The following RHOJ variants were observed in gnomAD, a reference collection of about 807,000 sequenced individuals.
The protein encoded by RHOJ is rho-related GTP-binding protein RhoJ.
A neutral mutation model predicts 23.4 loss-of-function variants in RHOJ; 11 were observed. The observed-to-expected ratio is 0.47, with a 90% CI of 0.30 to 0.78. The LOEUF (loss-of-function observed/expected upper bound fraction) is 0.78. Among genes scored for constraint, RHOJ ranks in the 30% least tolerant of loss-of-function variants. The pLI, the probability that RHOJ is intolerant of heterozygous loss-of-function variation, is 0.08. For synonymous variants in RHOJ, 102 were observed against 102.7 expected, an observed-to-expected ratio of 0.99 and a Z score of 0.04; for missense variants, 254 against 273.4, an observed-to-expected ratio of 0.93 and a Z score of 0.50.
chr14:63,217,427 C>A (rs112237667), intron 1 of RHOJ, among the ~76,000 whole-genome samples: 2,070 of 152,146 alleles, frequency 0.014, 51 homozygotes, highest in East Asian at 0.11. Flanking sequence ...CTGAGAAAAA[C>A]AAGCAATGGG....
At chr14:63,210,805 G>A (rs560312472) in intron 1 of RHOJ, among the ~76,000 whole-genome samples, 3 of 152,206 alleles carry the variant, frequency 2.0e-5, no homozygotes, top group Non-Finnish European at 4.4e-5. Context: ...GGGTACATAG[G>A]TGTGTAAAAT....
intron 2 of RHOJ, among the ~76,000 whole-genome samples, chr14:63,270,672 C>A (rs980365594): frequency 5.3e-5 from 8 of 152,320 alleles, no homozygotes; most frequent in African/African-American, 1.9e-4. Flanking sequence ...TGTCCCCATT[C>A]ATCAGGAACT....
chr14:63,271,520 G>C (rs1034491753), intron 2 of RHOJ, among the ~76,000 whole-genome samples: 1 of 152,226 alleles, frequency 6.6e-6, no homozygotes, highest in Non-Finnish European at 1.5e-5. Context: ...CTCAGCTACT[G>C]TGCCCCACTC....
chr14:63,218,829 C>A (rs1222662008), intron 1 of RHOJ, among the ~76,000 whole-genome samples: 1 of 152,212 alleles, frequency 6.6e-6, no homozygotes, highest in Non-Finnish European at 1.5e-5. Flanking sequence ...ACTTCATCAA[C>A]TAGCCTTAAG....
chr14:63,222,600 T>C (rs1197545242), intron 1 of RHOJ, among the ~76,000 whole-genome samples: 2 of 152,242 alleles, frequency 1.3e-5, no homozygotes, highest in Admixed American at 1.3e-4. Flanking sequence ...TTTTCATGTG[T>C]CTGTTGGCTG....
chr14:63,213,980 G>A (rs533219514), intron 1 of RHOJ, among the ~76,000 whole-genome samples: 2 of 152,216 alleles, frequency 1.3e-5, no homozygotes, highest in South Asian at 2.1e-4. Context: ...CCCAAAGAAG[G>A]GACAAACAGA....
chr14:63,225,680 C>CA (rs1249443427), intron 1 of RHOJ, among the ~76,000 whole-genome samples: 3 of 151,742 alleles, frequency 2.0e-5, no homozygotes, highest in African/African-American at 2.4e-5. Context: ...AAAAGGATGC[C>CA]AAAAAAACAA....
intron 1 of RHOJ, among the ~76,000 whole-genome samples, chr14:63,235,856 A>C (rs1894779873): frequency 6.6e-6 from 1 of 152,228 alleles, no homozygotes; most frequent in Non-Finnish European, 1.5e-5. Flanking sequence ...AACTTATCAA[A>C]AGACTTGAGG....
intron 2 of RHOJ, among the ~76,000 whole-genome samples, chr14:63,273,521 C>T (rs929395123): frequency 6.6e-6 from 1 of 152,152 alleles, no homozygotes; most frequent in Non-Finnish European, 1.5e-5. Context: ...GGGTTGGGGA[C>T]GCCACAGCCA....
chr14:63,263,778 C>A (rs17824541), intron 1 of RHOJ, among the ~76,000 whole-genome samples: 10,421 of 152,202 alleles, frequency 0.068, 439 homozygotes, highest in East Asian at 0.19. Flanking sequence ...TTCAGGACTT[C>A]AAAGCTTAAC....
intron 1 of RHOJ, among the ~76,000 whole-genome samples, chr14:63,231,088 CAT>C (rs1894686466): frequency 6.6e-6 from 1 of 152,234 alleles, no homozygotes; most frequent in East Asian, 1.9e-4. Flanking sequence ...GAGGTTTCAC[CAT>C]GCTGGCCAGG....
Position 63,229,825 on chromosome 14 carries a change from C to T in RHOJ, c.178+24778C>T, listed in dbSNP as rs376575992. Reference sequence around the variant, plus strand: ...ATTGCATCTGCAAAATCTCCTTTGCCGGGTAACAGTAACATAAACATGGAA... The same window carrying T: ...ATTGCATCTGCAAAATCTCCTTTGCTGGGTAACAGTAACATAAACATGGAA... On this transcript the variant is annotated intron_variant, in intron 1 of 4. Transcript: ENST00000316754. 2.7e-4 allele frequency among the ~76,000 whole-genome samples: 41 copies of T among 152,248 alleles called. 1 individual carries two copies. In the East Asian group the frequency reaches 6.0e-3, roughly 22 times the overall value.
intron 2 of RHOJ, among the ~76,000 whole-genome samples, chr14:63,278,373 A>G (rs1881798772): frequency 6.6e-6 from 1 of 152,258 alleles, no homozygotes; most frequent in South Asian, 2.1e-4. Context: ...ACTTCCTTTC[A>G]GTCTCATGTG....
rs752395825 is a variant in RHOJ at position 63,291,055 on chromosome 14, A to G, written c.*31A>G. On this transcript the variant is annotated 3_prime_UTR_variant, in exon 5 of 5. Transcript: ENST00000316754. ...TCTGGGACCTGCCTCCACCCCATCC[A>G]GGGATGAGAATGGCAGCCAATCTCT... 6.2e-7 allele frequency: 1 copy of G among 1,612,810 alleles called. No homozygotes were observed. The highest frequency in any genetic ancestry group is 2.2e-5 in the East Asian group (1 of 44,878).
intron 2 of RHOJ, among the ~76,000 whole-genome samples, chr14:63,277,179 T>A (rs558137213): frequency 6.6e-6 from 1 of 152,220 alleles, no homozygotes; most frequent in African/African-American, 2.4e-5. Flanking sequence ...CTCTGTAACA[T>A]TGGCCCATCA....
At chr14:63,243,438 C>T (rs1436101655) in intron 1 of RHOJ, among the ~76,000 whole-genome samples, 1 of 152,196 alleles carries the variant, frequency 6.6e-6, no homozygotes, top group African/African-American at 2.4e-5. Context: ...CTCCTGGGCT[C>T]AAGCGATTCT....
chr14:63,213,340 G>A (rs929602822), intron 1 of RHOJ, among the ~76,000 whole-genome samples: 4 of 152,112 alleles, frequency 2.6e-5, no homozygotes, highest in Non-Finnish European at 4.4e-5. Flanking sequence ...TCCTGTCCAT[G>A]TGTACCCAGT....
chr14:63,233,201 C>T (rs1894729532), intron 1 of RHOJ, among the ~76,000 whole-genome samples: 1 of 152,106 alleles, frequency 6.6e-6, no homozygotes. Context: ...AGAGCATGGC[C>T]TTTGAGCTCA....
intron 1 of RHOJ, among the ~76,000 whole-genome samples, chr14:63,255,604 G>A (rs971903246): frequency 8.0e-6 from 1 of 124,266 alleles, no homozygotes; most frequent in Non-Finnish European, 1.6e-5. Context: ...CCATGCTCCT[G>A]ATTCAAATGC....
Sources: gnomAD v4.1 joint callset for allele counts (sites outside exome capture counted in the v4.1 genomes callset) on GRCh38, gnomAD v4.1.1 for gene constraint, MANE v1.5 for transcripts, NCBI Gene and HGNC (gene_info 2026-07-23, HGNC 2026-07-21) for gene names.